The following KIAA1217 variants were observed in gnomAD, a reference collection of about 807,000 sequenced individuals.
KIAA1217 encodes the protein sickle tail protein homolog.
A neutral mutation model predicts 163.9 loss-of-function variants in KIAA1217; 88 were observed. The observed-to-expected ratio is 0.54, with a 90% CI of 0.45 to 0.64. The LOEUF (loss-of-function observed/expected upper bound fraction) is 0.64. KIAA1217 is among the 30% of genes least tolerant of loss of function. The pLI, the probability that KIAA1217 is intolerant of heterozygous loss-of-function variation, is 0.00. For missense variants in KIAA1217, 2,372 were observed against 2,475.0 expected (o/e 0.96, Z 0.88); for synonymous variants, 903 against 923.1 (o/e 0.98, Z 0.39).
intron 1 of KIAA1217, among the ~76,000 whole-genome samples, chr10:23,933,853 A>C (rs1296193795): frequency 6.6e-6 from 1 of 152,180 alleles, no homozygotes; most frequent in Admixed American, 6.5e-5. Flanking sequence ...ATCTCATGCC[A>C]GTCAGAATGG....
intron 2 of KIAA1217, among the ~76,000 whole-genome samples, chr10:24,330,742 G>A (rs1051841042): frequency 1.3e-5 from 2 of 151,532 alleles, no homozygotes; most frequent in African/African-American, 4.9e-5. Context: ...CAGCCCCCAA[G>A]TAGCTGGGAC....
At chr10:24,167,727 T>C (rs1230899616) in intron 2 of KIAA1217, among the ~76,000 whole-genome samples, 1 of 152,212 alleles carries the variant, frequency 6.6e-6, no homozygotes, top group Admixed American at 6.5e-5. Context: ...CTAGTGATCA[T>C]TTAGAACAAT....
chr10:24,276,883 C>T (rs1333083919), intron 2 of KIAA1217, among the ~76,000 whole-genome samples: 4 of 151,758 alleles, frequency 2.6e-5, no homozygotes, highest in African/African-American at 9.7e-5. Flanking sequence ...GCTGGGATTA[C>T]AGGCATGAGC....
chr10:23,723,106 C>G (rs1837955800), intron 1 of KIAA1217, among the ~76,000 whole-genome samples: 1 of 152,140 alleles, frequency 6.6e-6, no homozygotes. Context: ...AAGTAATGAA[C>G]TAAAATTAGA....
intron 2 of KIAA1217, among the ~76,000 whole-genome samples, chr10:24,022,162 C>A (rs1180352746): frequency 2.0e-5 from 3 of 151,300 alleles, no homozygotes; most frequent in Non-Finnish European, 3.0e-5. Flanking sequence ...AATGAAAAGA[C>A]AAGCCACACA....
chr10:23,978,731 CTT>C (rs1234021184), intron 1 of KIAA1217, among the ~76,000 whole-genome samples: 2 of 152,070 alleles, frequency 1.3e-5, no homozygotes, highest in African/African-American at 2.4e-5. Flanking sequence ...ATGTGACATG[CTT>C]TTAAAACATA....
intron 2 of KIAA1217, among the ~76,000 whole-genome samples, chr10:24,227,647 C>T (rs1030256520): frequency 1.4e-4 from 21 of 152,056 alleles, no homozygotes; most frequent in South Asian, 8.3e-4. Context: ...ATTCTCCTGC[C>T]TCAGCCTCCC....
At chr10:24,482,231 G>A (rs1429555785) in intron 6 of KIAA1217, 2 of 152,192 alleles carry the variant, frequency 1.3e-5, no homozygotes, top group Admixed American at 6.6e-5. Flanking sequence ...AGGAAAAGGC[G>A]TCGTCTGTCA....
chr10:23,783,390 C>G (rs567845720), intron 1 of KIAA1217, among the ~76,000 whole-genome samples: 3 of 152,128 alleles, frequency 2.0e-5, no homozygotes, highest in Non-Finnish European at 4.4e-5. Context: ...TTTAAACCAA[C>G]CTTGCATCCT....
intron 2 of KIAA1217, among the ~76,000 whole-genome samples, chr10:24,152,973 C>T (rs1207971719): frequency 6.6e-6 from 1 of 152,152 alleles, no homozygotes; most frequent in Non-Finnish European, 1.5e-5. Flanking sequence ...GTCTTGTATG[C>T]AACAAAATCC....
chr10:24,106,702 A>C (rs2062643554), intron 2 of KIAA1217, among the ~76,000 whole-genome samples: 1 of 152,188 alleles, frequency 6.6e-6, no homozygotes, highest in African/African-American at 2.4e-5. Context: ...GTTGTCAAGC[A>C]TTCTATACCA....
At chr10:24,167,484 T>C (rs1181627321) in intron 2 of KIAA1217, among the ~76,000 whole-genome samples, 3 of 152,076 alleles carry the variant, frequency 2.0e-5, no homozygotes, top group Non-Finnish European at 4.4e-5. Flanking sequence ...ATGTGCAAAC[T>C]AGAGCCCAAG....
intron 3 of KIAA1217, among the ~76,000 whole-genome samples, chr10:24,402,528 C>CAAAAAAAAAAAAAAAAAA (rs56323500): frequency 1.3e-5 from 1 of 77,214 alleles, no homozygotes; most frequent in Non-Finnish European, 3.1e-5. Context: ...AAAAACAAAA[C>CAAAAAAAAAAAAAAAAAA]AAAAAAAAAA....
intron 14 of KIAA1217, among the ~76,000 whole-genome samples, chr10:24,531,030 TAA>T (rs34814705): frequency 3.0e-4 from 43 of 145,496 alleles, no homozygotes; most frequent in African/African-American, 9.5e-4. Context: ...ACCCCGCCTG[TAA>T]AAAAAAAAAG....
At chr10:24,303,398 C>G (rs767940087) in intron 2 of KIAA1217, among the ~76,000 whole-genome samples, 1 of 152,064 alleles carries the variant, frequency 6.6e-6, no homozygotes, top group Non-Finnish European at 1.5e-5. Flanking sequence ...CAGGGAGACC[C>G]GTGAGGAGGC....
At chr10:24,201,410 CAG>C (rs2067247782) in intron 2 of KIAA1217, among the ~76,000 whole-genome samples, 1 of 152,140 alleles carries the variant, frequency 6.6e-6, no homozygotes, top group Non-Finnish European at 1.5e-5. Flanking sequence ...TTGTCCAGTT[CAG>C]AGATTGTAAA....
chr10:24,138,854 A>C (rs1409381590), intron 2 of KIAA1217, among the ~76,000 whole-genome samples: 5 of 152,164 alleles, frequency 3.3e-5, no homozygotes, highest in Non-Finnish European at 7.4e-5. Context: ...CAAAGACTTC[A>C]GTGTCGTGAG....
At chr10:24,253,174 CGCTTAGTAA>C (rs1449726600) in intron 2 of KIAA1217, among the ~76,000 whole-genome samples, 3 of 152,098 alleles carry the variant, frequency 2.0e-5, no homozygotes, top group Non-Finnish European at 2.9e-5. Flanking sequence ...TAGCCAGAGG[CGCTTAGTAA>C]GCTTCAATCA....
chr10:24,075,665 G>A (rs950773716), intron 2 of KIAA1217, among the ~76,000 whole-genome samples: 12 of 151,030 alleles, frequency 7.9e-5, no homozygotes, highest in African/African-American at 2.0e-4. Flanking sequence ...GTGCAATGGC[G>A]GGATCTCAGC....
Sources: allele counts gnomAD v4.1 joint callset (sites outside exome capture counted in the v4.1 genomes callset), GRCh38; gene constraint gnomAD v4.1.1; transcripts MANE v1.5; gene names NCBI Gene and HGNC (gene_info 2026-07-23, HGNC 2026-07-21).